ZFYVE9: variants seen among roughly 807,000 people sequenced by gnomAD.
ZFYVE9 encodes the protein zinc finger FYVE domain-containing protein 9.
In ZFYVE9, 43 loss-of-function variants were observed where a neutral mutation model predicts 126.7. The ratio of observed to expected loss-of-function variants is 0.34; its 90% CI spans 0.27 to 0.44. The LOEUF (loss-of-function observed/expected upper bound fraction) is 0.44. Ranked by LOEUF, ZFYVE9 falls within the 20% of genes least tolerant of loss-of-function variation. The pLI is 1.00. For missense variants in ZFYVE9, 1,476 were observed against 1,697.0 expected (o/e 0.87, Z 2.29); for synonymous variants, 521 against 597.4 (o/e 0.87, Z 1.87).
chr1:52,244,706 A>G (rs1645366758), intron 4 of ZFYVE9, among the ~76,000 whole-genome samples: 1 of 152,220 alleles, frequency 6.6e-6, no homozygotes, highest in African/African-American at 2.4e-5. Context: ...TTAATGGGTT[A>G]GAATCAGTAT....
intron 1 of ZFYVE9, among the ~76,000 whole-genome samples, chr1:52,173,828 C>T (rs1017448045): frequency 2.0e-5 from 3 of 152,020 alleles, no homozygotes; most frequent in Non-Finnish European, 4.4e-5. Context: ...AGTTTGTATT[C>T]CTGTGAGATC....
chr1:52,341,699 G>T (rs1019874093), intron 17 of ZFYVE9, among the ~76,000 whole-genome samples: 5 of 152,054 alleles, frequency 3.3e-5, no homozygotes, highest in Non-Finnish European at 7.4e-5. Context: ...AGAGACCCAG[G>T]GTTGTTAAAT....
intron 8 of ZFYVE9, 124 bp downstream of exon 8, chr1:52,274,708 CA>C: frequency 1.9e-6 from 2 of 1,041,680 alleles, no homozygotes; most frequent in Non-Finnish European, 2.6e-6. Context: ...CAAACTCCCC[CA>C]AAACTATGAA....
At chr1:52,318,640 G>A (rs572072022) in intron 13 of ZFYVE9, among the ~76,000 whole-genome samples, 5 of 151,892 alleles carry the variant, frequency 3.3e-5, no homozygotes, top group African/African-American at 7.2e-5. Context: ...AAAGACTGTC[G>A]GTATTCATGG....
At chr1:52,178,448 C>T (rs772456525) in intron 1 of ZFYVE9, among the ~76,000 whole-genome samples, 2 of 151,356 alleles carry the variant, frequency 1.3e-5, no homozygotes, top group African/African-American at 4.9e-5. Context: ...TCTCTTGCCT[C>T]GGCCTCCTGA....
At chr1:52,182,582 A>C (rs1026204824) in intron 1 of ZFYVE9, among the ~76,000 whole-genome samples, 2 of 151,824 alleles carry the variant, frequency 1.3e-5, no homozygotes, top group East Asian at 3.9e-4. Flanking sequence ...ACCACTCCCT[A>C]ATCTCAAGTA....
chr1:52,254,351 T>C (rs928726725), intron 4 of ZFYVE9, among the ~76,000 whole-genome samples: 1 of 148,368 alleles, frequency 6.7e-6, no homozygotes, highest in Non-Finnish European at 1.5e-5. Flanking sequence ...CTTTAACATG[T>C]AATAAAGCTC....
intron 1 of ZFYVE9, among the ~76,000 whole-genome samples, chr1:52,204,706 A>C (rs1275694614): frequency 1.3e-5 from 2 of 152,134 alleles, no homozygotes; most frequent in African/African-American, 4.8e-5. Flanking sequence ...CAGCCTGGAC[A>C]ACAGAGCGAG....
At chr1:52,332,065 C>G (rs1646347577) in intron 13 of ZFYVE9, among the ~76,000 whole-genome samples, 1 of 152,106 alleles carries the variant, frequency 6.6e-6, no homozygotes, top group Non-Finnish European at 1.5e-5. Context: ...TAGGCATGAG[C>G]CACCGTGCCT....
At chr1:52,327,527 G>A (rs746452835) in intron 13 of ZFYVE9, among the ~76,000 whole-genome samples, 5 of 151,158 alleles carry the variant, frequency 3.3e-5, no homozygotes, top group South Asian at 2.1e-4. Context: ...GCTTGAATCC[G>A]GGAGGCAAGA....
intron 1 of ZFYVE9, chr1:52,162,221 G>T: frequency 4.0e-6 from 1 of 250,802 alleles, no homozygotes; most frequent in South Asian, 6.3e-5. Context: ...TCTTGATTGT[G>T]ATCTGTATCG....
intron 1 of ZFYVE9, among the ~76,000 whole-genome samples, chr1:52,172,157 C>A (rs559912009): frequency 9.8e-4 from 149 of 152,192 alleles, no homozygotes; most frequent in Non-Finnish European, 1.8e-3. Context: ...GTCTTTAGTC[C>A]ATCTTGAATT....
chr1:52,239,381 A>G lies in ZFYVE9; in HGVS notation c.1964A>G (p.Glu655Gly), dbSNP rs541551923. ...NGEHLESYEA[E>G]ISTRPCLALA... is the part of the protein sequence containing the mutation. The stretch of plus-strand genomic sequence containing the variant: ...GAACATTTAGAAAGTTATGAGGCTG[A>G]GATCTCCACTAGACCATGCCTTGCA... Residue 655 changes from glutamate (E) to glycine (G), a missense_variant, in exon 4 of 19, where the codon GAG becomes GGG. Coordinates refer to ENST00000287727, the MANE Select transcript of ZFYVE9 (RefSeq NM_004799.4). The G allele has an allele frequency of 1.2e-6, 2 of 1,614,212 alleles. No individual in the cohort carries two copies. The highest frequency in any genetic ancestry group is 2.2e-5 in the South Asian group (2 of 91,090).
chr1:52,168,251 C>G (rs1466628505), intron 1 of ZFYVE9, among the ~76,000 whole-genome samples: 1 of 127,676 alleles, frequency 7.8e-6, no homozygotes, highest in East Asian at 2.4e-4. Context: ...GAGTCTCGCT[C>G]TGTCATCCAG....
chr1:52,273,698 C>T (rs533657761), intron 7 of ZFYVE9, among the ~76,000 whole-genome samples: 7 of 151,598 alleles, frequency 4.6e-5, no homozygotes, highest in Non-Finnish European at 4.4e-5. Flanking sequence ...CGTGGTGGCA[C>T]GCACCTGTAA....
chr1:52,294,054 G>A (rs1041049708), intron 11 of ZFYVE9, among the ~76,000 whole-genome samples: 4 of 152,196 alleles, frequency 2.6e-5, no homozygotes, highest in Admixed American at 1.3e-4. Flanking sequence ...CTGGAAGCTA[G>A]TGGAATGGAA....
chr1:52,337,851 C>T lies in ZFYVE9; in HGVS notation c.3750C>T (p.Ile1250=). 2 of 1,614,246 alleles carry T rather than the reference C, an allele frequency of 1.2e-6. No homozygotes were observed. Among genetic ancestry groups the T allele is most frequent in the Non-Finnish European group, 1.7e-6 (2 of 1,180,040 alleles). The stretch of plus-strand genomic sequence containing the variant: ...TGCGAGAGATGAAGGACTTCACCAT[C>T]ACCTGTGGGAAGGCGGACGCGGAGG... ...QALREMKDFT[I]TCGKADAEEP... is the part of the protein sequence containing the mutation. The change falls in exon 16 of 19, where the codon ATC becomes ATT. Residue 1250 remains isoleucine, a synonymous_variant. Transcript: ENST00000287727.
chr1:52,318,428 TAAG>T (rs1332550533), intron 13 of ZFYVE9, among the ~76,000 whole-genome samples: 8 of 147,982 alleles, frequency 5.4e-5, no homozygotes, highest in African/African-American at 2.0e-4. Flanking sequence ...CTTGGCAATC[TAAG>T]AAGAGAACTT....
chr1:52,255,803 C>T (rs545776648), intron 4 of ZFYVE9, among the ~76,000 whole-genome samples: 13 of 151,762 alleles, frequency 8.6e-5, no homozygotes, highest in East Asian at 7.8e-4. Flanking sequence ...CGCAGTGAGC[C>T]GAGATTGCAT....
Sources: gnomAD v4.1 joint callset for allele counts (sites outside exome capture counted in the v4.1 genomes callset) on GRCh38, gnomAD v4.1.1 for gene constraint, MANE v1.5 for transcripts, NCBI Gene and HGNC (gene_info 2026-07-23, HGNC 2026-07-21) for gene names.